USH2A: variants seen among roughly 807,000 people sequenced by gnomAD.
The protein encoded by USH2A is usherin, also known as Usher syndrome 2A (autosomal recessive, mild).
In USH2A, 443 loss-of-function variants were observed where a neutral mutation model predicts 538.9. That is an observed-to-expected ratio of 0.82 (90% CI 0.76 to 0.89). USH2A has a LOEUF of 0.89. Ranked by LOEUF, USH2A falls within the 40% of genes least tolerant of loss-of-function variation. The pLI is 0.00. For missense variants in USH2A, 6,633 were observed against 6,324.8 expected (o/e 1.05, Z -1.65); for synonymous variants, 2,413 against 2,273.5 (o/e 1.06, Z -1.75).
At chr1:215,953,042 C>G (rs796654581) in intron 37 of USH2A, among the ~76,000 whole-genome samples, 6 of 152,166 alleles carry the variant, frequency 3.9e-5, no homozygotes, top group Admixed American at 1.3e-4. Context: ...GAACTACAAA[C>G]CACTGCTCAA....
At chr1:215,682,781 C>T (rs939454529) in intron 61 of USH2A, among the ~76,000 whole-genome samples, 1 of 151,638 alleles carries the variant, frequency 6.6e-6, no homozygotes, top group South Asian at 2.1e-4. Context: ...GAAATAACCA[C>T]ATGTTGGGAT....
At chr1:215,751,538 T>C (rs1660622078) in intron 58 of USH2A, among the ~76,000 whole-genome samples, 1 of 152,144 alleles carries the variant, frequency 6.6e-6, no homozygotes, top group Admixed American at 6.5e-5. Flanking sequence ...TAATTTTGAA[T>C]GTTTAGATTC....
chr1:216,416,965 C>A (rs181898824), intron 3 of USH2A, among the ~76,000 whole-genome samples: 278 of 152,128 alleles, frequency 1.8e-3, no homozygotes, highest in Non-Finnish European at 3.0e-3. Context: ...GGTCAGTGGG[C>A]AGAATGGAGA....
chr1:216,222,750 G>A (rs1036654666), intron 14 of USH2A, among the ~76,000 whole-genome samples: 9 of 152,122 alleles, frequency 5.9e-5, no homozygotes, highest in East Asian at 1.9e-4. Flanking sequence ...AGGCCAAGGC[G>A]GGCAGATCAC....
At chr1:215,877,535 G>T (rs992481146) in intron 43 of USH2A, among the ~76,000 whole-genome samples, 7 of 152,090 alleles carry the variant, frequency 4.6e-5, no homozygotes, top group African/African-American at 1.7e-4. Context: ...ACATCTACAA[G>T]TTCAACTTCA....
chr1:216,305,423 T>C (rs1241959161), intron 9 of USH2A, among the ~76,000 whole-genome samples: 1 of 152,172 alleles, frequency 6.6e-6, no homozygotes, highest in African/African-American at 2.4e-5. Context: ...GATGAGTCTC[T>C]TGAGGACAGC....
chr1:215,971,482 G>T (rs1490495505), intron 35 of USH2A, among the ~76,000 whole-genome samples: 1 of 152,116 alleles, frequency 6.6e-6, no homozygotes, highest in Non-Finnish European at 1.5e-5. Flanking sequence ...TAAGCCGGGT[G>T]TGGTGACTCA....
intron 36 of USH2A, among the ~76,000 whole-genome samples, chr1:215,968,215 A>C (rs2102456390): frequency 6.6e-6 from 1 of 152,278 alleles, no homozygotes; most frequent in African/African-American, 2.4e-5. Context: ...TTAGCATCTA[A>C]AAATTAGGTT....
chr1:215,633,413 T>C (rs1656374372), intron 70 of USH2A, among the ~76,000 whole-genome samples: 1 of 152,100 alleles, frequency 6.6e-6, no homozygotes, highest in Non-Finnish European at 1.5e-5. Flanking sequence ...CCACTGCCCT[T>C]TTGTGCTCCC....
Position 216,215,582 on chromosome 1 carries a change from G to A in USH2A, c.3157+1805C>T, listed in dbSNP as rs529608518. The stretch of plus-strand genomic sequence containing the variant: ...TTTGACCTCCTCTGAAGGCAGGAAA[G>A]TTGTCTCATTTGTTTCTAATAAATT... On this transcript the variant is annotated intron_variant, in intron 15 of 71. Coordinates refer to ENST00000307340, the MANE Select transcript of USH2A (RefSeq NM_206933.4). Among the ~76,000 whole-genome samples the A allele has an allele frequency of 2.6e-5, 4 of 152,168 alleles. No homozygotes were observed. The East Asian group carries it at 7.7e-4, about 29-fold the overall frequency.
intron 4 of USH2A, among the ~76,000 whole-genome samples, chr1:216,363,421 G>C (rs1280298457): frequency 6.6e-6 from 1 of 151,924 alleles, no homozygotes; most frequent in Non-Finnish European, 1.5e-5. Flanking sequence ...ATCTTGCCAG[G>C]CCATATAGCT....
chr1:216,325,650 G>T (rs147502944), intron 5 of USH2A, 51 bp from the exon 6 acceptor site: 3 of 1,558,638 alleles, frequency 1.9e-6, no homozygotes, highest in Non-Finnish European at 2.6e-6. Context: ...AACAGTAATA[G>T]AACTTCTAGG....
intron 50 of USH2A, among the ~76,000 whole-genome samples, chr1:215,793,503 G>T (rs1662039569): frequency 6.6e-6 from 1 of 151,918 alleles, no homozygotes. Flanking sequence ...CAAAACAGAG[G>T]GTAGAGTAAA....
At chr1:215,984,675 A>G (rs561051243) in intron 35 of USH2A, among the ~76,000 whole-genome samples, 1 of 152,374 alleles carries the variant, frequency 6.6e-6, no homozygotes, top group Admixed American at 6.5e-5. Flanking sequence ...AATTTAATAC[A>G]AGGTATCTCT....
In USH2A at chr1:215,626,309, A is replaced by ATATGTATGTATG. The variant is rs957763142; in HGVS notation, c.15520-451_15520-440dup. Among the ~76,000 whole-genome samples the ATATGTATGTATG allele has an allele frequency of 6.0e-4, 90 of 150,098 alleles. 1 individual carries two copies. Among genetic ancestry groups the ATATGTATGTATG allele is most frequent in the Admixed American group, 5.0e-3 (75 of 14,970 alleles). ...TAGTGTATATATACACTATATATAT[A>ATATGTATGTATG]TATGTATGTATGTATGTATGTATAT... On this transcript the variant is annotated intron_variant, in intron 71 of 71. Coordinates refer to ENST00000307340, the MANE Select transcript of USH2A (RefSeq NM_206933.4).
chr1:216,102,183 GA>G (rs149313911), intron 21 of USH2A, among the ~76,000 whole-genome samples: 6,560 of 146,930 alleles, frequency 0.045, 474 homozygotes, highest in African/African-American at 0.15. Context: ...TACATAGCCA[GA>G]AAAAAAAAAT....
chr1:216,095,361 T>TA (rs2032415761), intron 22 of USH2A, among the ~76,000 whole-genome samples: 1 of 139,908 alleles, frequency 7.1e-6, no homozygotes, highest in Non-Finnish European at 1.5e-5. Flanking sequence ...TTAATCTACT[T>TA]AAAGTTTTCA....
intron 21 of USH2A, among the ~76,000 whole-genome samples, chr1:216,143,247 A>G (rs1438558454): frequency 1.3e-5 from 2 of 152,160 alleles, no homozygotes; most frequent in African/African-American, 2.4e-5. Flanking sequence ...TGCTAATACA[A>G]CAACACAGGA....
At chr1:215,928,670 C>T (rs1666294694) in intron 38 of USH2A, among the ~76,000 whole-genome samples, 1 of 152,074 alleles carries the variant, frequency 6.6e-6, no homozygotes, top group African/African-American at 2.4e-5. Context: ...CTCTTGAAAC[C>T]CTGAGTTTCT....
Sources: gnomAD v4.1 joint callset for allele counts (sites outside exome capture counted in the v4.1 genomes callset) on GRCh38, gnomAD v4.1.1 for gene constraint, MANE v1.5 for transcripts, NCBI Gene and HGNC (gene_info 2026-07-23, HGNC 2026-07-21) for gene names.